Variants in MAGI2 observed in about 807,000 individuals in gnomAD.
MAGI2 encodes the protein membrane-associated guanylate kinase, WW and PDZ domain-containing protein 2.
A neutral mutation model predicts 133.3 loss-of-function variants in MAGI2; 35 were observed. The observed-to-expected ratio is 0.26, with a 90% CI of 0.20 to 0.35. The LOEUF is 0.35. MAGI2 is among the 10% of genes least tolerant of loss of function. MAGI2 has a pLI of 1.00. For missense variants in MAGI2, 1,636 were observed against 1,863.4 expected (o/e 0.88, Z 2.25); for synonymous variants, 729 against 710.6 (o/e 1.03, Z -0.41).
intron 1 of MAGI2, among the ~76,000 whole-genome samples, chr7:79,406,851 A>C (rs1406618058): frequency 6.6e-6 from 1 of 152,166 alleles, no homozygotes; most frequent in Admixed American, 6.5e-5. Context: ...GTTAAAATTT[A>C]AATCAGTTAA....
intron 7 of MAGI2, among the ~76,000 whole-genome samples, chr7:78,367,533 G>A (rs1408086210): frequency 6.6e-6 from 1 of 152,332 alleles, no homozygotes; most frequent in Admixed American, 6.5e-5. Context: ...TACAACAGCA[G>A]AGCTAAGCAG....
intron 1 of MAGI2, among the ~76,000 whole-genome samples, chr7:79,267,779 CAA>C (rs1402442288): frequency 5.3e-5 from 8 of 152,224 alleles, no homozygotes; most frequent in African/African-American, 1.9e-4. Flanking sequence ...ATTTGAGACT[CAA>C]AGAGGGGCTG....
At chr7:78,604,155 A>G (rs1563230336) in intron 3 of MAGI2, among the ~76,000 whole-genome samples, 1 of 152,200 alleles carries the variant, frequency 6.6e-6, no homozygotes, top group East Asian at 1.9e-4. Context: ...CTGGTATCAA[A>G]ACGATGAGTA....
At chr7:78,630,410 TAA>T (rs1563266706) in intron 2 of MAGI2, among the ~76,000 whole-genome samples, 2 of 132,882 alleles carry the variant, frequency 1.5e-5, no homozygotes, top group African/African-American at 5.5e-5. Flanking sequence ...TTTTTGTGTT[TAA>T]CTTTTTTTTT....
At chr7:79,074,873 T>A (rs1205713620) in intron 1 of MAGI2, among the ~76,000 whole-genome samples, 2 of 152,220 alleles carry the variant, frequency 1.3e-5, no homozygotes, top group Non-Finnish European at 2.9e-5. Context: ...CAACTAACTG[T>A]GGCTTAATTA....
chr7:78,324,942 G>A (rs1300080839), intron 9 of MAGI2, among the ~76,000 whole-genome samples: 1 of 151,940 alleles, frequency 6.6e-6, no homozygotes, highest in Non-Finnish European at 1.5e-5. Context: ...CTCCAGCCTG[G>A]GCGACAAGAG....
intron 2 of MAGI2, among the ~76,000 whole-genome samples, chr7:78,911,728 G>A (rs1028576358): frequency 6.6e-6 from 1 of 151,812 alleles, no homozygotes; most frequent in Non-Finnish European, 1.5e-5. Context: ...AGGTTCGGGG[G>A]TACATGTGAA....
chr7:79,299,449 G>A lies in MAGI2; in HGVS notation c.301+153571C>T, dbSNP rs571731869. On this transcript the variant is annotated intron_variant, in intron 1 of 21. Coordinates refer to ENST00000354212, the MANE Select transcript of MAGI2 (RefSeq NM_012301.4). ...TAAGCCATGTAAAAAGATATCTTTC[G>A]GGAGGCTGAGGCAGGAGAATCGCTT... 1.5e-4 allele frequency among the ~76,000 whole-genome samples: 23 copies of A among 149,828 alleles called. No homozygotes were observed. In the East Asian group the frequency reaches 2.4e-3, roughly 16 times the overall value.
chr7:79,031,027 C>T (rs769446760), intron 1 of MAGI2, among the ~76,000 whole-genome samples: 14 of 152,118 alleles, frequency 9.2e-5, no homozygotes, highest in Non-Finnish European at 1.6e-4. Flanking sequence ...ACAACTAGCA[C>T]CTTATCAGCA....
chr7:78,330,152 G>A (rs1164632318), intron 9 of MAGI2, among the ~76,000 whole-genome samples: 1 of 152,104 alleles, frequency 6.6e-6, no homozygotes, highest in African/African-American at 2.4e-5. Flanking sequence ...CATGTGCCAT[G>A]ACCTAAGTAT....
At chr7:78,022,879 G>C (rs1422988949) in intron 21 of MAGI2, among the ~76,000 whole-genome samples, 1 of 151,884 alleles carries the variant, frequency 6.6e-6, no homozygotes. Flanking sequence ...TTTCTCAAGA[G>C]TTTGTTTATA....
intron 2 of MAGI2, among the ~76,000 whole-genome samples, chr7:78,935,309 A>G (rs141440770): frequency 6.6e-6 from 1 of 152,262 alleles, no homozygotes; most frequent in African/African-American, 2.4e-5. Flanking sequence ...ATATGTTTAT[A>G]AAATTTATGA....
At chr7:78,836,668 TGAA>T (rs1791644315) in intron 2 of MAGI2, among the ~76,000 whole-genome samples, 1 of 152,200 alleles carries the variant, frequency 6.6e-6, no homozygotes, top group Non-Finnish European at 1.5e-5. Context: ...AATAAATAAA[TGAA>T]GAGATTTCTA....
At chr7:78,740,378 A>G (rs1452710202) in intron 2 of MAGI2, among the ~76,000 whole-genome samples, 2 of 152,214 alleles carry the variant, frequency 1.3e-5, no homozygotes, top group Non-Finnish European at 2.9e-5. Context: ...TTATCAGTAA[A>G]TGGACAATAG....
intron 16 of MAGI2, 128 bp from the exon 17 acceptor site, chr7:78,135,334 C>G (rs758396598): frequency 3.0e-5 from 23 of 778,582 alleles, no homozygotes; most frequent in Non-Finnish European, 4.1e-5. Context: ...CTTTTGAAAT[C>G]ACACTAATTT....
intron 1 of MAGI2, among the ~76,000 whole-genome samples, chr7:79,253,651 A>T (rs1416422437): frequency 6.6e-6 from 1 of 152,168 alleles, no homozygotes; most frequent in Non-Finnish European, 1.5e-5. Context: ...TTAAAAAAAA[A>T]GTAATAACAC....
At chr7:78,070,126 C>CACACAT (rs3084738) in intron 21 of MAGI2, among the ~76,000 whole-genome samples, 8,716 of 136,200 alleles carry the variant, frequency 0.064, 848 homozygotes, top group East Asian at 0.43. Context: ...CACACACACA[C>CACACAT]ATATATGTGT....
intron 2 of MAGI2, among the ~76,000 whole-genome samples, chr7:78,924,585 G>A (rs570257264): frequency 5.9e-5 from 9 of 152,216 alleles, no homozygotes; most frequent in African/African-American, 1.9e-4. Flanking sequence ...TGTGCTGCTG[G>A]ATTCAGTTTG....
intron 2 of MAGI2, among the ~76,000 whole-genome samples, chr7:78,884,416 C>G (rs1563621759): frequency 9.2e-5 from 14 of 151,968 alleles, no homozygotes; most frequent in Admixed American, 9.2e-4. Flanking sequence ...TCTGGGAGGT[C>G]GAGGCTGCAG....
Sources: allele counts gnomAD v4.1 joint callset (sites outside exome capture counted in the v4.1 genomes callset), GRCh38; gene constraint gnomAD v4.1.1; transcripts MANE v1.5; gene names NCBI Gene and HGNC (gene_info 2026-07-23, HGNC 2026-07-21).